KIAA1328: variants seen among roughly 807,000 people sequenced by gnomAD.
KIAA1328 encodes protein hinderin.
In KIAA1328, 52 loss-of-function variants were observed where a neutral mutation model predicts 68.1. The ratio of observed to expected loss-of-function variants is 0.76; its 90% CI spans 0.61 to 0.96. The LOEUF (loss-of-function observed/expected upper bound fraction) is 0.96. Ranked by LOEUF, KIAA1328 falls within the 40% of genes least tolerant of loss-of-function variation. The pLI is 0.00. For synonymous variants in KIAA1328, 232 were observed against 239.4 expected, an observed-to-expected ratio of 0.97 and a Z score of 0.28; for missense variants, 641 against 677.6, an observed-to-expected ratio of 0.95 and a Z score of 0.60.
intron 7 of KIAA1328, among the ~76,000 whole-genome samples, chr18:37,125,313 C>T (rs770928632): frequency 4.6e-5 from 7 of 151,982 alleles, no homozygotes; most frequent in Non-Finnish European, 8.8e-5. Flanking sequence ...GAGTAAGACC[C>T]CGTCTCAAAA....
chr18:36,883,952 G>GTGTATATATATATATATATATATATATA (rs1556808300), intron 4 of KIAA1328, among the ~76,000 whole-genome samples: 1 of 120,804 alleles, frequency 8.3e-6, no homozygotes, highest in African/African-American at 3.3e-5. Context: ...TATTTATAAA[G>GTGTATATATATATATATATATATATATA]TATATATATA....
At chr18:36,866,805 T>G (rs1162957066) in intron 4 of KIAA1328, among the ~76,000 whole-genome samples, 4 of 152,194 alleles carry the variant, frequency 2.6e-5, no homozygotes, top group Admixed American at 6.5e-5. Context: ...ATGTTTAATT[T>G]ATATTAAAGG....
intron 7 of KIAA1328, among the ~76,000 whole-genome samples, chr18:37,134,759 G>A (rs534433388): frequency 6.6e-6 from 1 of 152,226 alleles, no homozygotes; most frequent in East Asian, 1.9e-4. Context: ...TGTTTCCTGG[G>A]TATATCTTGT....
chr18:36,969,189 AG>A (rs1170692075), intron 6 of KIAA1328, among the ~76,000 whole-genome samples: 2 of 152,224 alleles, frequency 1.3e-5, no homozygotes, highest in Non-Finnish European at 2.9e-5. Context: ...AAAGTTAGAA[AG>A]ACCTCAGATT....
intron 1 of KIAA1328, among the ~76,000 whole-genome samples, chr18:36,833,808 T>G (rs965669560): frequency 1.3e-5 from 2 of 152,240 alleles, no homozygotes; most frequent in African/African-American, 4.8e-5. Context: ...TTGGGATATT[T>G]TATGAATACA....
chr18:36,871,453 T>C (rs1483224311), intron 4 of KIAA1328, among the ~76,000 whole-genome samples: 1 of 152,134 alleles, frequency 6.6e-6, no homozygotes, highest in African/African-American at 2.4e-5. Flanking sequence ...GTCTGCAGGT[T>C]TCTCCACTGT....
At chr18:37,023,317 C>T (rs576670127) in intron 6 of KIAA1328, among the ~76,000 whole-genome samples, 87 of 152,264 alleles carry the variant, frequency 5.7e-4, no homozygotes, top group African/African-American at 2.0e-3. Flanking sequence ...TGGAGTCAAG[C>T]GATGCTCCCA....
At position 37,213,947 on chromosome 18, in the gene KIAA1328, C is replaced by CTTTAGAGACAT. The variant is rs539073509; in HGVS notation, c.1524-8062_1524-8061insCATTTTAGAGA. Among the ~76,000 whole-genome samples the CTTTAGAGACAT allele has an allele frequency of 4.7e-4, 71 of 152,268 alleles. No individual in the cohort carries two copies. The South Asian group carries it at 0.012, about 25-fold the overall frequency. Reference sequence around the variant, plus strand: ...TGTCTGTTGGCTGCATAAATGTCTTCTTTAGAGAAGTGTCTGTTCATATCC... The same window carrying CTTTAGAGACAT: ...TGTCTGTTGGCTGCATAAATGTCTTCTTTAGAGACATTTTAGAGAAGTGTCTGTTCATATCC... On this transcript the variant is annotated intron_variant, in intron 9 of 9. Coordinates refer to ENST00000280020, the MANE Select transcript of KIAA1328 (RefSeq NM_020776.3).
At chr18:37,176,501 A>G (rs1454114413) in intron 9 of KIAA1328, among the ~76,000 whole-genome samples, 2 of 152,198 alleles carry the variant, frequency 1.3e-5, no homozygotes, top group African/African-American at 2.4e-5. Context: ...CTGGCTCTCC[A>G]CACTGATCAC....
At chr18:37,009,198 A>G (rs1416174571) in intron 6 of KIAA1328, among the ~76,000 whole-genome samples, 1 of 152,122 alleles carries the variant, frequency 6.6e-6, no homozygotes, top group Non-Finnish European at 1.5e-5. Context: ...AGAGACTGCC[A>G]TTTTCTTACC....
intron 4 of KIAA1328, among the ~76,000 whole-genome samples, chr18:36,845,953 G>C (rs1307976290): frequency 6.6e-6 from 1 of 151,554 alleles, no homozygotes; most frequent in African/African-American, 2.4e-5. Flanking sequence ...TACAATGTCA[G>C]TATTAGTAAA....
At chr18:37,228,831 AG>A (rs2154228276), downstream of KIAA1328, among the ~76,000 whole-genome samples, 1 of 152,036 alleles carries the variant, frequency 6.6e-6, no homozygotes, top group South Asian at 2.1e-4. Context: ...GAAAAAAAAA[AG>A]AAAAAAAAAA....
intron 4 of KIAA1328, among the ~76,000 whole-genome samples, chr18:36,850,541 T>G (rs1169640264): frequency 4.6e-5 from 7 of 152,148 alleles, no homozygotes; most frequent in Non-Finnish European, 1.0e-4. Context: ...TAAAGTTCAA[T>G]TTATAAGTTA....
chr18:36,865,418 A>G (rs540594284), intron 4 of KIAA1328, among the ~76,000 whole-genome samples: 3 of 152,136 alleles, frequency 2.0e-5, no homozygotes, highest in Non-Finnish European at 2.9e-5. Context: ...ATAGAGAATA[A>G]CTTTTAAAAT....
At chr18:37,072,149 T>C (rs1195591929) in intron 7 of KIAA1328, among the ~76,000 whole-genome samples, 26 of 152,166 alleles carry the variant, frequency 1.7e-4, no homozygotes, top group Admixed American at 1.6e-3. Flanking sequence ...TTTCCTCTTT[T>C]ATCTTTTTGT....
At chr18:36,869,522 G>C (rs1423513219) in intron 4 of KIAA1328, among the ~76,000 whole-genome samples, 3 of 152,146 alleles carry the variant, frequency 2.0e-5, no homozygotes, top group African/African-American at 7.2e-5. Context: ...AATTATGCTT[G>C]AGTCAAATTT....
At chr18:37,153,098 C>A (rs552839620) in intron 7 of KIAA1328, among the ~76,000 whole-genome samples, 3 of 152,180 alleles carry the variant, frequency 2.0e-5, no homozygotes, top group Non-Finnish European at 2.9e-5. Flanking sequence ...CTTCTTCATG[C>A]ACTGTGAAAA....
intron 5 of KIAA1328, among the ~76,000 whole-genome samples, chr18:36,918,271 TCTTA>T (rs1297635152): frequency 1.3e-5 from 2 of 152,198 alleles, no homozygotes; most frequent in African/African-American, 2.4e-5. Context: ...CTTTTGACGT[TCTTA>T]CTTTTCCTTC....
chr18:36,911,658 A>G (rs185651151), intron 5 of KIAA1328, among the ~76,000 whole-genome samples: 1 of 152,308 alleles, frequency 6.6e-6, no homozygotes, highest in East Asian at 1.9e-4. Context: ...CATGTAGTAT[A>G]GTGCTGGAAA....
Sources: gnomAD v4.1 joint callset for allele counts (sites outside exome capture counted in the v4.1 genomes callset) on GRCh38, gnomAD v4.1.1 for gene constraint, MANE v1.5 for transcripts, NCBI Gene and HGNC (gene_info 2026-07-23, HGNC 2026-07-21) for gene names.